Variants in DYM observed in about 807,000 individuals in gnomAD.
DYM encodes the protein dymeclin.
In DYM, 78 loss-of-function variants were observed where a neutral mutation model predicts 93.1. The ratio of observed to expected loss-of-function variants is 0.84; its 90% CI spans 0.70 to 1.01. The LOEUF (loss-of-function observed/expected upper bound fraction) is 1.01, where lower values mean the gene tolerates loss of function less well. Ranked by LOEUF, DYM falls within the 50% of genes least tolerant of loss-of-function variation. DYM has a pLI of 0.00. For missense variants in DYM, 789 were observed against 845.0 expected (o/e 0.93, Z 0.82); for synonymous variants, 321 against 319.7 (o/e 1.00, Z -0.04).
chr18:49,109,736 G>A (rs1424118065), intron 16 of DYM, among the ~76,000 whole-genome samples: 1 of 152,222 alleles, frequency 6.6e-6, no homozygotes, highest in African/African-American at 2.4e-5. Context: ...ACAGAACCCT[G>A]AGCTTAGGGA....
At chr18:49,445,375 C>T (rs552803043) in intron 1 of DYM, among the ~76,000 whole-genome samples, 1 of 152,186 alleles carries the variant, frequency 6.6e-6, no homozygotes, top group South Asian at 2.1e-4. Context: ...AGAAACCATT[C>T]TCTTTTAACC....
chr18:49,053,082 C>G (rs1238749747), intron 17 of DYM, among the ~76,000 whole-genome samples: 1 of 152,180 alleles, frequency 6.6e-6, no homozygotes, highest in African/African-American at 2.4e-5. Flanking sequence ...ATTTTTGGAG[C>G]CAGAGGTAAT....
chr18:49,300,194 G>C (rs1344513537), intron 8 of DYM, among the ~76,000 whole-genome samples: 9 of 150,220 alleles, frequency 6.0e-5, no homozygotes, highest in Admixed American at 6.0e-4. Context: ...GATTTTATCA[G>C]AAACAATCAA....
intron 10 of DYM, among the ~76,000 whole-genome samples, chr18:49,280,312 C>T (rs112649982): frequency 0.011 from 1,637 of 152,162 alleles, 29 homozygotes; most frequent in African/African-American, 0.038. Flanking sequence ...GACAAAGGTA[C>T]CTTAAAATGA....
chr18:49,441,521 T>C (rs576735407), intron 1 of DYM, among the ~76,000 whole-genome samples: 7 of 148,028 alleles, frequency 4.7e-5, no homozygotes, highest in African/African-American at 1.8e-4. Context: ...CCACAAGTAA[T>C]AGAACATTCT....
At chr18:49,289,772 T>TATATATATATAC (rs1555678772) in intron 8 of DYM, among the ~76,000 whole-genome samples, 1 of 36,644 alleles carries the variant, frequency 2.7e-5, no homozygotes, top group African/African-American at 1.3e-4. Flanking sequence ...TATATATATA[T>TATATATATATAC]ACACATATAT....
chr18:49,359,089 T>A (rs183014847), intron 6 of DYM, among the ~76,000 whole-genome samples: 203 of 152,276 alleles, frequency 1.3e-3, no homozygotes, highest in Non-Finnish European at 8.1e-4. Context: ...AGCGCTGGGC[T>A]TTTACCTCTG....
At chr18:49,183,074 G>C (rs1413197309) in intron 14 of DYM, among the ~76,000 whole-genome samples, 1 of 152,124 alleles carries the variant, frequency 6.6e-6, no homozygotes, top group Non-Finnish European at 1.5e-5. Context: ...ACTTGAAGTG[G>C]TGATTGCACA....
chr18:49,097,673 G>A (rs1445701017), intron 16 of DYM, among the ~76,000 whole-genome samples, 158 bp from the exon 17 acceptor site: 7 of 152,178 alleles, frequency 4.6e-5, no homozygotes, highest in Admixed American at 4.6e-4. Flanking sequence ...GCTCTCCGTT[G>A]GGTTTGATAG....
At chr18:49,250,968 G>A (rs1278365570) in intron 13 of DYM, among the ~76,000 whole-genome samples, 1 of 152,202 alleles carries the variant, frequency 6.6e-6, no homozygotes, top group Non-Finnish European at 1.5e-5. Context: ...TCTGCGTTGG[G>A]TAATGCTTTC....
At chr18:49,299,771 C>T (rs551669356) in intron 8 of DYM, among the ~76,000 whole-genome samples, 2 of 151,994 alleles carry the variant, frequency 1.3e-5, no homozygotes, top group African/African-American at 4.8e-5. Context: ...GGTCCGGACA[C>T]GGTGGCTCAC....
intron 3 of DYM, among the ~76,000 whole-genome samples, chr18:49,386,897 C>T (rs1192482813): frequency 1.3e-5 from 2 of 151,798 alleles, no homozygotes; most frequent in African/African-American, 4.8e-5. Flanking sequence ...CTTCATGTCT[C>T]TGCATCACGT....
chr18:49,220,621 C>A (rs1361398443), intron 13 of DYM, among the ~76,000 whole-genome samples: 1 of 151,992 alleles, frequency 6.6e-6, no homozygotes, highest in East Asian at 1.9e-4. Flanking sequence ...ACTATCTGAT[C>A]GTTGACAAAC....
At chr18:49,347,760 AAG>A (rs1241875646) in intron 6 of DYM, among the ~76,000 whole-genome samples, 1 of 152,222 alleles carries the variant, frequency 6.6e-6, no homozygotes, top group African/African-American at 2.4e-5. Context: ...AATCAGGAAA[AAG>A]AGCCAGAGAG....
intron 11 of DYM, among the ~76,000 whole-genome samples, chr18:49,267,467 A>G (rs76240783): frequency 0.08 from 12,198 of 152,288 alleles, 769 homozygotes; most frequent in East Asian, 0.31. Flanking sequence ...ATAAAAAAGC[A>G]AAAGATCCAG....
intron 5 of DYM, among the ~76,000 whole-genome samples, chr18:49,370,028 G>A (rs1039712538): frequency 9.2e-5 from 14 of 152,194 alleles, no homozygotes; most frequent in African/African-American, 3.4e-4. Flanking sequence ...TATAATCCCA[G>A]TACTTTGGGA....
At chr18:49,221,902 G>A (rs2187190) in intron 13 of DYM, among the ~76,000 whole-genome samples, 109,043 of 151,408 alleles carry the variant, frequency 0.72, 40,333 homozygotes, top group Non-Finnish European at 0.81. Context: ...AACTTAAACT[G>A]TAATAATAAT....
rs546430641 is a variant in DYM, at chr18:49,218,972, T to C, written c.1461-9257A>G. On this transcript the variant is annotated intron_variant, in intron 13 of 17. Coordinates refer to ENST00000675505, the MANE Select transcript of DYM (RefSeq NM_001353214.3). ...AAAAATTAATGAATTCAGGAGCTGG[T>C]TTTTTGAAAGGATCAACAAAATTGA... Among the ~76,000 whole-genome samples the C allele has an allele frequency of 7.4e-4, 113 of 152,206 alleles. 2 individuals are homozygous for C. The highest frequency in any genetic ancestry group is 2.7e-3 in the African/African-American group (112 of 41,528).
intron 10 of DYM, among the ~76,000 whole-genome samples, chr18:49,272,516 G>A (rs551744501): frequency 3.0e-4 from 45 of 152,210 alleles, no homozygotes; most frequent in Admixed American, 2.2e-3. Flanking sequence ...CTCTGTGAAG[G>A]TCTCTTAAGG....
Sources: allele counts gnomAD v4.1 joint callset (sites outside exome capture counted in the v4.1 genomes callset), GRCh38; gene constraint gnomAD v4.1.1; transcripts MANE v1.5; gene names NCBI Gene and HGNC (gene_info 2026-07-23, HGNC 2026-07-21).